CTNNA2: variants seen among roughly 807,000 people sequenced by gnomAD.
CTNNA2 encodes catenin alpha 2.
In CTNNA2, 42 loss-of-function variants were observed where a neutral mutation model predicts 101.0. The observed-to-expected ratio is 0.42, with a 90% CI of 0.32 to 0.54. The LOEUF is 0.54. Ranked by LOEUF, CTNNA2 falls within the 20% of genes least tolerant of loss-of-function variation. The pLI is 0.14. For missense variants in CTNNA2, 871 were observed against 1,223.1 expected, an observed-to-expected ratio of 0.71 and a Z score of 4.29; for synonymous variants, 450 against 456.4, an observed-to-expected ratio of 0.99 and a Z score of 0.18.
chr2:80,407,529 G>A (rs2149388835), intron 8 of CTNNA2, among the ~76,000 whole-genome samples: 1 of 152,296 alleles, frequency 6.6e-6, no homozygotes, highest in Non-Finnish European at 1.5e-5. Context: ...GCGTAGTCAT[G>A]ACAGAGACTA....
At chr2:79,651,809 A>T in intron 2 of CTNNA2, 151 bp downstream of exon 2, 1 of 660,384 alleles carries the variant, frequency 1.5e-6, no homozygotes, top group Non-Finnish European at 2.6e-6. Flanking sequence ...ACTATGGGCA[A>T]TCTCATTGCC....
chr2:79,807,646 TAA>T (rs1291386183), intron 3 of CTNNA2, among the ~76,000 whole-genome samples: 1 of 152,212 alleles, frequency 6.6e-6, no homozygotes, highest in Admixed American at 6.5e-5. Context: ...AAAAATGAAT[TAA>T]AGTGTTACAT....
chr2:80,597,510 A>C (rs1697086476), intron 15 of CTNNA2, among the ~76,000 whole-genome samples: 1 of 152,226 alleles, frequency 6.6e-6, no homozygotes, highest in Admixed American at 6.5e-5. Context: ...TCCACAGCAA[A>C]AGAAACTAGC....
intron 18 of CTNNA2, among the ~76,000 whole-genome samples, chr2:80,628,555 C>G (rs1284587854): frequency 1.3e-5 from 2 of 150,592 alleles, no homozygotes; most frequent in African/African-American, 2.5e-5. Flanking sequence ...GGATCCCTTC[C>G]TTACACCTTA....
In CTNNA2 at chr2:80,012,704, G is replaced by A. The variant is rs1020875606; in HGVS notation, c.1056+102907G>A. 4.0e-4 allele frequency among the ~76,000 whole-genome samples: 61 copies of A among 152,032 alleles called. 1 individual carries two copies. Among genetic ancestry groups the A allele is most frequent in the African/African-American group, 1.4e-3 (57 of 41,392 alleles). On this transcript the variant is annotated intron_variant, in intron 7 of 18. Coordinates refer to ENST00000402739, the MANE Select transcript of CTNNA2 (RefSeq NM_001282597.3). Reference sequence around the variant, plus strand: ...TGGCCCGTGGGTTTTAGTTTTTGTCGATTCCTCTTCTAGCTTATAGTCTAG... The same window carrying A: ...TGGCCCGTGGGTTTTAGTTTTTGTCAATTCCTCTTCTAGCTTATAGTCTAG...
intron 9 of CTNNA2, among the ~76,000 whole-genome samples, chr2:80,484,025 G>C (rs1686350813): frequency 6.6e-6 from 1 of 152,004 alleles, no homozygotes; most frequent in Non-Finnish European, 1.5e-5. Flanking sequence ...TGTTCTTTGG[G>C]CTGTCAGTTA....
At chr2:80,323,257 G>C (rs961766856) in intron 7 of CTNNA2, among the ~76,000 whole-genome samples, 3 of 152,192 alleles carry the variant, frequency 2.0e-5, no homozygotes, top group Admixed American at 6.5e-5. Context: ...CCAAGCTTCT[G>C]ATGTAATAGG....
chr2:80,009,163 C>T (rs888109980), intron 7 of CTNNA2, among the ~76,000 whole-genome samples: 2 of 152,136 alleles, frequency 1.3e-5, no homozygotes, highest in African/African-American at 4.8e-5. Context: ...GTATATGGTA[C>T]TTTTATAACT....
intron 11 of CTNNA2, among the ~76,000 whole-genome samples, chr2:80,553,289 G>C (rs1446405696): frequency 6.6e-6 from 1 of 151,870 alleles, no homozygotes; most frequent in African/African-American, 2.4e-5. Flanking sequence ...CTAATACTTT[G>C]TACAACATTA....
chr2:80,169,682 C>T (rs1704922707), intron 7 of CTNNA2, among the ~76,000 whole-genome samples: 1 of 152,082 alleles, frequency 6.6e-6, no homozygotes, highest in African/African-American at 2.4e-5. Context: ...CCCACAGAGC[C>T]CTGAGCAACT....
chr2:79,493,263 G>A (rs1267320459), intron 4 of CTNNA2, among the ~76,000 whole-genome samples: 1 of 152,036 alleles, frequency 6.6e-6, no homozygotes, highest in Non-Finnish European at 1.5e-5. Context: ...GAAAAAGGAA[G>A]GAAGAAAATG....
chr2:80,460,420 T>G (rs1684329121), intron 9 of CTNNA2, among the ~76,000 whole-genome samples: 1 of 152,124 alleles, frequency 6.6e-6, no homozygotes, highest in African/African-American at 2.4e-5. Flanking sequence ...AAAAAGAAAC[T>G]GTAACACTCA....
chr2:80,087,500 G>T (rs1264927506), intron 7 of CTNNA2, among the ~76,000 whole-genome samples: 1 of 151,992 alleles, frequency 6.6e-6, no homozygotes, highest in Non-Finnish European at 1.5e-5. Flanking sequence ...GATTTTTCTT[G>T]TGAAGTGGGT....
At chr2:80,148,604 T>C (rs1178053961) in intron 7 of CTNNA2, among the ~76,000 whole-genome samples, 1 of 152,230 alleles carries the variant, frequency 6.6e-6, no homozygotes, top group African/African-American at 2.4e-5. Flanking sequence ...GCCTTTATTT[T>C]AAGAGATTTG....
At chr2:79,444,371 G>T (rs1195351593) in intron 4 of CTNNA2, among the ~76,000 whole-genome samples, 1 of 152,048 alleles carries the variant, frequency 6.6e-6, no homozygotes, top group Non-Finnish European at 1.5e-5. Context: ...TAGCCACAAA[G>T]AAACTGAAGA....
intron 3 of CTNNA2, among the ~76,000 whole-genome samples, chr2:79,848,892 C>T (rs1007439357): frequency 6.6e-6 from 1 of 152,126 alleles, no homozygotes; most frequent in Non-Finnish European, 1.5e-5. Flanking sequence ...GCTGGTGTCA[C>T]ATTGGGATTT....
At chr2:79,671,482 A>G (rs1682837561) in intron 2 of CTNNA2, among the ~76,000 whole-genome samples, 1 of 147,100 alleles carries the variant, frequency 6.8e-6, no homozygotes, top group Admixed American at 6.8e-5. Context: ...TTTGACCTAG[A>G]TACTTTCATA....
At position 79,545,895 on chromosome 2, in the gene CTNNA2, TCTAAG is replaced by T. The variant is rs1223068783; in HGVS notation, c.-6+32691_-6+32695del. ...GCACTTCATATGTGTCAGGCACTATTCTAAGCTCTTTATATATTTACTCATTTAAT... is the reference window on the plus strand; with the variant it reads ...GCACTTCATATGTGTCAGGCACTATTCTCTTTATATATTTACTCATTTAAT... On this transcript the variant is annotated intron_variant, in intron 1 of 18. Coordinates refer to ENST00000402739, the MANE Select transcript of CTNNA2 (RefSeq NM_001282597.3). 2.6e-5 allele frequency among the ~76,000 whole-genome samples: 4 copies of T among 152,224 alleles called. 1 individual carries two copies. Among genetic ancestry groups the T allele is most frequent in the African/African-American group, 9.6e-5 (4 of 41,462 alleles).
chr2:79,345,839 CCAGCCATCA>C (rs1226636905), intron 3 of CTNNA2, among the ~76,000 whole-genome samples: 1 of 150,768 alleles, frequency 6.6e-6, no homozygotes, highest in Admixed American at 6.6e-5. Context: ...ATTACAGGCG[CCAGCCATCA>C]CGCCCGGTTG....
Sources: gnomAD v4.1 joint callset for allele counts (sites outside exome capture counted in the v4.1 genomes callset) on GRCh38, gnomAD v4.1.1 for gene constraint, MANE v1.5 for transcripts, NCBI Gene and HGNC (gene_info 2026-07-23, HGNC 2026-07-21) for gene names.